JPH4: variants seen among roughly 807,000 people sequenced by gnomAD.
The protein encoded by JPH4 is junctophilin 4, also known as junctophilin-4.
In JPH4, 18 loss-of-function variants were observed where a neutral mutation model predicts 57.6. The observed-to-expected ratio is 0.31, with a 90% CI of 0.22 to 0.46. The LOEUF is 0.46. Among genes scored for constraint, JPH4 ranks in the 20% least tolerant of loss-of-function variants. JPH4 has a pLI of 1.00. For missense variants in JPH4, 727 were observed against 911.1 expected, an observed-to-expected ratio of 0.80 and a Z score of 2.60; for synonymous variants, 425 against 406.6, an observed-to-expected ratio of 1.05 and a Z score of -0.54.
At position 23,575,674 on chromosome 14, in the gene JPH4, T is replaced by G. The variant is rs1889254014; in HGVS notation, c.1151+11A>C. ...CTTAGCCCAGCTTTGGCCTCTGAAC[T>G]GGACGCCCACCTGGCAGCGGCGATC... On this transcript the variant is annotated intron_variant, in intron 3 of 5. Coordinates refer to ENST00000356300, the MANE Select transcript of JPH4 (RefSeq NM_001146028.2). This position sits in a 1 kb window ranked among gnomAD's most constrained non-coding sequence, Gnocchi z 6.9. 2 of 1,594,494 alleles carry G rather than the reference T, an allele frequency of 1.3e-6. No homozygotes were observed. Among genetic ancestry groups the G allele is most frequent in the Non-Finnish European group, 1.7e-6 (2 of 1,172,238 alleles).
rs1889249721 is a variant in JPH4 at position 23,575,567 on chromosome 14, T to A, written c.1151+118A>T. The A allele has an allele frequency of 7.5e-7, 1 of 1,339,442 alleles. No homozygotes were observed. Among genetic ancestry groups the A allele is most frequent in the African/African-American group, 1.5e-5 (1 of 68,450 alleles). The allele number at this position is 1,339,442 out of a possible 1,614,324, so 83.0% of individuals were successfully genotyped here. A position where few individuals can be genotyped will look rare whatever the true frequency, so the allele number is the denominator to read the frequency against. On this transcript the variant is annotated intron_variant, in intron 3 of 5. Transcript: ENST00000356300. The surrounding 1 kb of genome is among the most constrained non-coding windows in gnomAD (Gnocchi z 6.9). ...GGGGTCCAACTGCCTGGCCTTAGGC[T>A]TGCAATAGCAGGCCCTAGGCCTTGG...
chr14:23,571,210 C>T lies in JPH4; in HGVS notation c.1521G>A (p.Glu507=), dbSNP rs1889131616. 1 of 1,613,890 alleles carries T rather than the reference C, an allele frequency of 6.2e-7. No individual in the cohort carries two copies. Among genetic ancestry groups the T allele is most frequent in the Non-Finnish European group, 8.5e-7 (1 of 1,179,874 alleles). ...CCTCAGCCTCATAGCCAGCTAGTTC[C>T]TCTGCCTGTGCGCCTGCCCCCCCCC... ...EEWGGAGAQA[E]ELAGYEAEDE... is the part of the protein sequence containing the mutation. Residue 507 remains glutamate, a synonymous_variant, in exon 5 of 6, where the codon GAG becomes GAA. Transcript: ENST00000356300. This position sits in a 1 kb window ranked among gnomAD's most constrained non-coding sequence, Gnocchi z 4.6.
chr14:23,571,994 C>A lies in JPH4; in HGVS notation c.1152-74G>T, dbSNP rs542732868. 5.3e-6 allele frequency: 7 copies of A among 1,322,294 alleles called. No individual in the cohort carries two copies. The South Asian group carries it at 6.0e-5, about 11-fold the overall frequency. 81.9% of individuals were successfully genotyped at this position (1,322,294 alleles called of 1,614,324 possible). ...TTAGTCCCTGCTCAGATGCTCCAGC[C>A]CCCTAGCCCCTGTCCCCTCTACATC... On this transcript the variant is annotated intron_variant, in intron 3 of 5. Coordinates refer to ENST00000356300, the MANE Select transcript of JPH4 (RefSeq NM_001146028.2). The surrounding 1 kb of genome is among the most constrained non-coding windows in gnomAD (Gnocchi z 4.6).
In JPH4 at chr14:23,575,143, AC is replaced by A. The variant is rs1230164851; in HGVS notation, c.1151+541del. 3 of 154,206 alleles carry A rather than the reference AC, an allele frequency of 1.9e-5. No homozygotes were observed. Among genetic ancestry groups the A allele is most frequent in the Non-Finnish European group, 2.9e-5 (2 of 69,522 alleles). The allele number at this position is 154,206 out of a possible 1,614,324, so 9.6% of individuals were successfully genotyped here. A position where few individuals can be genotyped will look rare whatever the true frequency, so the allele number is the denominator to read the frequency against. ...GGTAAAAGAAGGCAGAGGGGGCAAA[AC>A]TGGGAGAGACTATCTTTTCAGGTGG... is the stretch of plus-strand genomic sequence containing the variant. On this transcript the variant is annotated intron_variant, in intron 3 of 5. Transcript: ENST00000356300. This position sits in a 1 kb window ranked among gnomAD's most constrained non-coding sequence, Gnocchi z 6.9.
rs949711537 is a variant in JPH4 at position 23,576,069 on chromosome 14, C to G, written c.767G>C (p.Gly256Ala). Reference sequence around the variant, plus strand: ...CCCGCTGGCCTCCGAGCCGGGCGGTCCGGTGCTGCCCACCTCGCTGCTCAC... The same window carrying G: ...CCCGCTGGCCTCCGAGCCGGGCGGTGCGGTGCTGCCCACCTCGCTGCTCAC... Reference protein sequence around the residue: ...SEVSSEVGSTGPPGSEASGPP... With the variant: ...SEVSSEVGSTAPPGSEASGPP... Residue 256 changes from glycine (G) to alanine (A), a missense_variant, in exon 3 of 6, where the codon GGA becomes GCA. Gly to Ala is a moderately conservative substitution (Grantham distance 60). Coordinates refer to ENST00000356300, the MANE Select transcript of JPH4 (RefSeq NM_001146028.2). This position sits in a 1 kb window ranked among gnomAD's most constrained non-coding sequence, Gnocchi z 8.0. The G allele has an allele frequency of 2.3e-6, 3 of 1,308,236 alleles. No individual in the cohort carries two copies. Among genetic ancestry groups the G allele is most frequent in the Admixed American group, 4.2e-5 (1 of 23,898 alleles). The allele number at this position is 1,308,236 out of a possible 1,614,324, so 81.0% of individuals were successfully genotyped here. A position where few individuals can be genotyped will look rare whatever the true frequency, so the allele number is the denominator to read the frequency against.
chr14:23,574,662 G>C (rs904255774), intron 3 of JPH4, among the ~76,000 whole-genome samples: 1 of 152,158 alleles, frequency 6.6e-6, no homozygotes, highest in Non-Finnish European at 1.5e-5. Context: ...GGAGCTGCAG[G>C]TTTCAAAGAC....
chr14:23,577,494 G>A lies in JPH4; in HGVS notation c.-41C>T. 2 of 1,386,876 alleles carry A rather than the reference G, an allele frequency of 1.4e-6. No individual in the cohort carries two copies. The highest frequency in any genetic ancestry group is 1.9e-6 in the Non-Finnish European group (2 of 1,074,364). 85.9% of individuals were successfully genotyped at this position (1,386,876 alleles called of 1,614,324 possible). On this transcript the variant is annotated 5_prime_UTR_variant, in exon 2 of 6. Transcript: ENST00000356300. This position sits in a 1 kb window ranked among gnomAD's most constrained non-coding sequence, Gnocchi z 8.4. ...GGCCTCAGCCCCCCGGCGGCTCAGC[G>A]CATCCTGGGACTGGAGAGCCTGCTG...
In JPH4 at chr14:23,568,892, C is replaced by T. The variant is rs899501339; in HGVS notation, c.*742G>A. The T allele has an allele frequency of 2.5e-6, 2 of 815,752 alleles. No homozygotes were observed. The highest frequency in any genetic ancestry group is 1.9e-5 in the African/African-American group (1 of 53,900). 50.5% of individuals were successfully genotyped at this position (815,752 alleles called of 1,614,324 possible). On this transcript the variant is annotated 3_prime_UTR_variant, in exon 6 of 6. Coordinates refer to ENST00000356300, the MANE Select transcript of JPH4 (RefSeq NM_001146028.2). ...GCATTGGATATTCTCTGTTCCTTTA[C>T]ACGTTGCTCTTGGCATGGCATGCCA...
chr14:23,576,460 CG>C lies in JPH4; in HGVS notation c.380-5del. On this transcript the variant is annotated splice_region_variant and splice_polypyrimidine_tract_variant and intron_variant, in intron 2 of 5. Coordinates refer to ENST00000356300, the MANE Select transcript of JPH4 (RefSeq NM_001146028.2). This position sits in a 1 kb window ranked among gnomAD's most constrained non-coding sequence, Gnocchi z 8.0. The stretch of plus-strand genomic sequence containing the variant: ...TGCCACTGGCCCTGGTAGGTGCCTG[CG>C]GGCGGCGGAGGGGTGGGAGAAAGAG... 7.1e-7 allele frequency: 1 copy of C among 1,409,362 alleles called. No homozygotes were observed. 87.3% of individuals were successfully genotyped at this position (1,409,362 alleles called of 1,614,324 possible).
chr14:23,571,506 G>T lies in JPH4; in HGVS notation c.1271-46C>A. The stretch of plus-strand genomic sequence containing the variant: ...ATCAGAGGGGCCTAACTGGCCTTGG[G>T]CTGGAGTGGCTGCAGCTTTATTCCT... On this transcript the variant is annotated intron_variant, in intron 4 of 5. Coordinates refer to ENST00000356300, the MANE Select transcript of JPH4 (RefSeq NM_001146028.2). This position sits in a 1 kb window ranked among gnomAD's most constrained non-coding sequence, Gnocchi z 4.6. The T allele has an allele frequency of 6.4e-7, 1 of 1,570,558 alleles. No homozygotes were observed. Among genetic ancestry groups the T allele is most frequent in the Non-Finnish European group, 8.6e-7 (1 of 1,165,864 alleles).
chr14:23,570,928 C>T lies in JPH4; in HGVS notation c.1803G>A (p.Pro601=). Residue 601 remains proline, a splice_region_variant and synonymous_variant, in exon 5 of 6, where the codon CCG becomes CCA. Coordinates refer to ENST00000356300, the MANE Select transcript of JPH4 (RefSeq NM_001146028.2). ...ACACAGCAGGGACAGAGGATCTCAC[C>T]GGCTGGGCAGGCCTCTCGGTTGCAG... The part of the protein sequence containing the change: ...EPAATERPAQ[P]GAANPLVVGA... 1 of 1,507,590 alleles carries T rather than the reference C, an allele frequency of 6.6e-7. No individual in the cohort carries two copies. The highest frequency in any genetic ancestry group is 2.3e-5 in the Admixed American group (1 of 42,756). The allele number at this position is 1,507,590 out of a possible 1,614,324, so 93.4% of individuals were successfully genotyped here. A position where few individuals can be genotyped will look rare whatever the true frequency, so the allele number is the denominator to read the frequency against.
rs1026833172 is a variant in JPH4, at chr14:23,568,174, G to C, written c.*1460C>G. On this transcript the variant is annotated 3_prime_UTR_variant, in exon 6 of 6. Coordinates refer to ENST00000356300, the MANE Select transcript of JPH4 (RefSeq NM_001146028.2). ...CATGAAATAGAAATCAGAAGTAAAGGTTGAGAGGGGAGGAAGGAGGGAGGC... is the reference window on the plus strand; with the variant it reads ...CATGAAATAGAAATCAGAAGTAAAGCTTGAGAGGGGAGGAAGGAGGGAGGC... 49 of 985,760 alleles carry C rather than the reference G, an allele frequency of 5.0e-5. No individual in the cohort carries two copies. Among genetic ancestry groups the C allele is most frequent in the Non-Finnish European group, 5.8e-5 (48 of 829,950 alleles). 61.1% of individuals were successfully genotyped at this position (985,760 alleles called of 1,614,324 possible). A position where few individuals can be genotyped will look rare whatever the true frequency, so the allele number is the denominator to read the frequency against.
rs1000858874 is a variant in JPH4, at chr14:23,576,329, G to T, written c.507C>A (p.Asp169Glu). ...RRTSLDSGHS[D>E]PPTPPPPLPL... ...GCAGGGGCGGGGGTGGCGTCGGGGG[G>T]TCGCTGTGGCCGGAATCCAGGGAGG... The change falls in exon 3 of 6, where the codon GAC (aspartate) becomes GAA (glutamate). Residue 169 changes from aspartate to glutamate, a missense_variant. By Grantham distance (45) the Asp-to-Glu change is conservative. Around this residue, in one of 7 missense-constraint regions of JPH4, gnomAD observed 131 missense variants for 156.5 expected, o/e 0.84. Coordinates refer to ENST00000356300, the MANE Select transcript of JPH4 (RefSeq NM_001146028.2). The surrounding 1 kb of genome is among the most constrained non-coding windows in gnomAD (Gnocchi z 8.0). 6 of 1,296,018 alleles carry T rather than the reference G, an allele frequency of 4.6e-6. No individual in the cohort carries two copies. The South Asian group carries it at 1.4e-4, about 31-fold the overall frequency. The allele number at this position is 1,296,018 out of a possible 1,614,324, so 80.3% of individuals were successfully genotyped here.
At position 23,576,374 on chromosome 14, in the gene JPH4, C is replaced by T; in HGVS notation, c.462G>A (p.Leu154=). 1 of 1,366,308 alleles carries T rather than the reference C, an allele frequency of 7.3e-7. No individual in the cohort carries two copies. The highest frequency in any genetic ancestry group is 1.5e-5 in the African/African-American group (1 of 65,782). The allele number at this position is 1,366,308 out of a possible 1,614,324, so 84.6% of individuals were successfully genotyped here. The change falls in exon 3 of 6, where the codon CTG becomes CTA. Residue 154 remains leucine (L), a synonymous_variant. Coordinates refer to ENST00000356300, the MANE Select transcript of JPH4 (RefSeq NM_001146028.2). The surrounding 1 kb of genome is among the most constrained non-coding windows in gnomAD (Gnocchi z 8.0). ...GGGAGGTGCGGCGGGGCGAGCGCAG[C>T]AGCGCCGCCTGATGGTAGGGCACAC... ...RQSVPYHQAA[L]LRSPRRTSLD...
In JPH4 at chr14:23,569,673, G is replaced by A; in HGVS notation, c.1848C>T (p.Asp616=). The A allele has an allele frequency of 6.4e-7, 1 of 1,552,726 alleles. No homozygotes were observed. The highest frequency in any genetic ancestry group is 8.7e-7 in the Non-Finnish European group (1 of 1,147,790). The change falls in exon 6 of 6, where the codon GAC becomes GAT. Residue 616 remains aspartate (D), a synonymous_variant. Transcript: ENST00000356300. The surrounding 1 kb of genome is among the most constrained non-coding windows in gnomAD (Gnocchi z 4.8). ...PLVVGAVALL[D]LSLAFLFSQL... The stretch of plus-strand genomic sequence containing the variant: ...GGGAGAACAGGAATGCCAGGCTGAG[G>A]TCCAGGAGGGCCACGGCTCCCACCA...
In JPH4 at chr14:23,576,286, C is replaced by G. The variant is rs1889271176; in HGVS notation, c.550G>C (p.Gly184Arg). Reference sequence around the variant, plus strand: ...CGGGAGCCCGAGGCGGGGCTGCCTCCCTCGTCGCCCGGCAAGGGCAGGGGC... The same window carrying G: ...CGGGAGCCCGAGGCGGGGCTGCCTCGCTCGTCGCCCGGCAAGGGCAGGGGC... ...PPPLPLPGDE[G>R]GSPASGSRGG... Residue 184 changes from glycine to arginine, a missense_variant, in exon 3 of 6, where the codon GGA becomes CGA. This residue lies in a region of JPH4 where 131 missense variants were observed against 156.5 expected (regional missense o/e 0.84). Transcript: ENST00000356300. The surrounding 1 kb of genome is among the most constrained non-coding windows in gnomAD (Gnocchi z 8.0). 8.7e-6 allele frequency: 11 copies of G among 1,265,654 alleles called. No individual in the cohort carries two copies. The highest frequency in any genetic ancestry group is 1.1e-5 in the Non-Finnish European group (11 of 1,007,340). The allele number at this position is 1,265,654 out of a possible 1,614,324, so 78.4% of individuals were successfully genotyped here. A position where few individuals can be genotyped will look rare whatever the true frequency, so the allele number is the denominator to read the frequency against.
intron 3 of JPH4, among the ~76,000 whole-genome samples, chr14:23,574,675 A>G (rs1433498679): frequency 6.6e-6 from 1 of 152,236 alleles, no homozygotes; most frequent in Admixed American, 6.5e-5. Flanking sequence ...TCAAAGACTT[A>G]GTTCAAAAGG....
At position 23,570,922 on chromosome 14, in the gene JPH4, T is replaced by C; in HGVS notation, c.1803+6A>G. 1 of 1,507,214 alleles carries C rather than the reference T, an allele frequency of 6.6e-7. No individual in the cohort carries two copies. Among genetic ancestry groups the C allele is most frequent in the Non-Finnish European group, 8.9e-7 (1 of 1,128,638 alleles). 93.4% of individuals were successfully genotyped at this position (1,507,214 alleles called of 1,614,324 possible). A position where few individuals can be genotyped will look rare whatever the true frequency, so the allele number is the denominator to read the frequency against. On this transcript the variant is annotated splice_donor_region_variant and intron_variant, in intron 5 of 5. Coordinates refer to ENST00000356300, the MANE Select transcript of JPH4 (RefSeq NM_001146028.2). Reference sequence around the variant, plus strand: ...GAGGGCACACAGCAGGGACAGAGGATCTCACCGGCTGGGCAGGCCTCTCGG... The same window carrying C: ...GAGGGCACACAGCAGGGACAGAGGACCTCACCGGCTGGGCAGGCCTCTCGG...
At position 23,568,668 on chromosome 14, in the gene JPH4, C is replaced by A; in HGVS notation, c.*966G>T. ...CCTATCCCCCAGAAGTGCCTCCTCC[C>A]ACCACAACTCCCAGAGTTGGGATGT... On this transcript the variant is annotated 3_prime_UTR_variant, in exon 6 of 6. Coordinates refer to ENST00000356300, the MANE Select transcript of JPH4 (RefSeq NM_001146028.2). 2 of 985,956 alleles carry A rather than the reference C, an allele frequency of 2.0e-6. No homozygotes were observed. Among genetic ancestry groups the A allele is most frequent in the Non-Finnish European group, 2.4e-6 (2 of 829,996 alleles). 61.1% of individuals were successfully genotyped at this position (985,956 alleles called of 1,614,324 possible). A position where few individuals can be genotyped will look rare whatever the true frequency, so the allele number is the denominator to read the frequency against.
Sources: allele counts gnomAD v4.1 joint callset (sites outside exome capture counted in the v4.1 genomes callset), GRCh38; gene constraint gnomAD v4.1.1; regional missense constraint gnomAD v4.1.1; non-coding constraint Gnocchi (gnomAD v3.1); transcripts MANE v1.5; gene names NCBI Gene and HGNC (gene_info 2026-07-23, HGNC 2026-07-21).